Variants in ZMYM2 observed in about 807,000 individuals in gnomAD.
ZMYM2 encodes zinc finger MYM-type containing 2.
Under a neutral mutation model 162.8 loss-of-function variants are expected in ZMYM2, and 56 were observed. That is an observed-to-expected ratio of 0.34 (90% CI 0.28 to 0.43). The LOEUF is 0.43. Ranked by LOEUF, ZMYM2 falls within the 20% of genes least tolerant of loss-of-function variation. ZMYM2 has a pLI of 1.00. For synonymous variants in ZMYM2, 510 were observed against 541.6 expected, an observed-to-expected ratio of 0.94 and a Z score of 0.81; for missense variants, 1,275 against 1,621.8, an observed-to-expected ratio of 0.79 and a Z score of 3.67.
chr13:20,073,784 A>G (rs1290497065), intron 21 of ZMYM2, among the ~76,000 whole-genome samples: 2 of 152,170 alleles, frequency 1.3e-5, no homozygotes, highest in Non-Finnish European at 2.9e-5. Flanking sequence ...TTGAGAGCTA[A>G]GTGGATTGTG....
rs1482462163 is a variant in ZMYM2 at position 20,088,068 on chromosome 13, C to G, written c.*2054C>G. On this transcript the variant is annotated 3_prime_UTR_variant, in exon 25 of 25. Coordinates refer to ENST00000610343, the MANE Select transcript of ZMYM2 (RefSeq NM_197968.4). ...ATAGTACTACTATCAAGCACCTTGTCTTGCTATTTACAGTTTCTTCATTTG... is the reference window on the plus strand; with the variant it reads ...ATAGTACTACTATCAAGCACCTTGTGTTGCTATTTACAGTTTCTTCATTTG... The G allele has an allele frequency of 5.0e-6, 1 of 198,080 alleles. No individual in the cohort carries two copies. The highest frequency in any genetic ancestry group is 1.6e-3 in the Middle Eastern group (1 of 608). 12.3% of individuals were successfully genotyped at this position (198,080 alleles called of 1,614,324 possible).
At chr13:19,866,954 C>T in the ZMYM2 span, among the ~76,000 whole-genome samples, 3 of 152,158 alleles carry the variant, frequency 2.0e-5, no homozygotes, top group Non-Finnish European at 2.9e-5. Context: ...AACATCAGCA[C>T]TTTCTTACTA....
chr13:19,916,257 G>A, the ZMYM2 span, among the ~76,000 whole-genome samples: 1 of 152,280 alleles, frequency 6.6e-6, no homozygotes, highest in East Asian at 1.9e-4. Context: ...CTTTTACACT[G>A]TTGGTGGGAG....
chr13:20,052,435 G>A (rs1397034940), intron 14 of ZMYM2, 124 bp downstream of exon 14: 10 of 749,996 alleles, frequency 1.3e-5, no homozygotes, highest in Admixed American at 3.2e-5. Context: ...TTACTGAGAC[G>A]GTGGAGTATT....
chr13:20,072,565 A>C (rs1333778921), intron 21 of ZMYM2, among the ~76,000 whole-genome samples: 2 of 152,134 alleles, frequency 1.3e-5, no homozygotes, highest in Non-Finnish European at 2.9e-5. Context: ...AGAGTTGGGA[A>C]ATATTCCTTC....
chr13:19,945,043 C>T, the ZMYM2 span, among the ~76,000 whole-genome samples: 3 of 151,898 alleles, frequency 2.0e-5, no homozygotes, highest in Non-Finnish European at 1.5e-5. Context: ...AAAAACAAAA[C>T]CAAAACCCAA....
chr13:19,935,337 A>G, the ZMYM2 span, among the ~76,000 whole-genome samples: 2 of 151,482 alleles, frequency 1.3e-5, no homozygotes, highest in African/African-American at 4.9e-5. Context: ...GGGTCTCACC[A>G]TATTGGCCAG....
At chr13:19,876,674 CTAT>C in the ZMYM2 span, among the ~76,000 whole-genome samples, 1 of 152,108 alleles carries the variant, frequency 6.6e-6, no homozygotes, top group Non-Finnish European at 1.5e-5. Context: ...ACCCTATTAA[CTAT>C]TTTTAAGTGT....
At chr13:19,980,213 C>G (rs117188846) in intron 2 of ZMYM2, among the ~76,000 whole-genome samples, 2 of 151,762 alleles carry the variant, frequency 1.3e-5, no homozygotes, top group Non-Finnish European at 2.9e-5. Flanking sequence ...GAATTTCTTT[C>G]GGTGTGAGAC....
At chr13:19,992,797 A>G (rs1399470405) in intron 2 of ZMYM2, among the ~76,000 whole-genome samples, 2 of 151,934 alleles carry the variant, frequency 1.3e-5, no homozygotes, top group African/African-American at 4.8e-5. Flanking sequence ...AATATATTGC[A>G]TATGATTACC....
intron 9 of ZMYM2, among the ~76,000 whole-genome samples, chr13:20,030,602 G>A (rs1387833898): frequency 3.9e-5 from 6 of 152,108 alleles, no homozygotes; most frequent in Non-Finnish European, 8.8e-5. Context: ...GTTTTACCGT[G>A]TTAGCCAGGA....
At chr13:20,062,390 C>CA (rs1956298888) in intron 17 of ZMYM2, among the ~76,000 whole-genome samples, 1 of 152,152 alleles carries the variant, frequency 6.6e-6, no homozygotes. Context: ...GATTACAACA[C>CA]AAAAACACTT....
intron 19 of ZMYM2, 179 bp from the exon 20 acceptor site, chr13:20,066,672 A>C (rs1486257276): frequency 2.1e-6 from 1 of 469,310 alleles, no homozygotes; most frequent in African/African-American, 2.0e-5. Context: ...AAGAGGTAGA[A>C]GGAGGTTGGA....
intron 8 of ZMYM2, 64 bp downstream of exon 8, chr13:20,026,826 C>G (rs967390376): frequency 2.7e-6 from 4 of 1,479,178 alleles, no homozygotes; most frequent in African/African-American, 2.9e-5. Context: ...TGCATAAATA[C>G]TCATTTGATG....
chr13:20,082,684 A>C, intron 22 of ZMYM2, 97 bp from the exon 23 acceptor site: 4 of 1,065,442 alleles, frequency 3.8e-6, no homozygotes, highest in Non-Finnish European at 5.2e-6. Flanking sequence ...GAGAATTGGT[A>C]TAGATTTGTC....
rs1440804244 is a variant in ZMYM2, at chr13:20,087,101, A to G, written c.*1087A>G. 2 of 184,566 alleles carry G rather than the reference A, an allele frequency of 1.1e-5. No individual in the cohort carries two copies. The highest frequency in any genetic ancestry group is 1.7e-4 in the East Asian group (2 of 11,456). The allele number at this position is 184,566 out of a possible 1,614,324, so 11.4% of individuals were successfully genotyped here. ...AGTTACAGAAAGTCAAGCTATGTTA[A>G]ATAAGATAGGATCACATTTTATAAT... On this transcript the variant is annotated 3_prime_UTR_variant, in exon 25 of 25. Coordinates refer to ENST00000610343, the MANE Select transcript of ZMYM2 (RefSeq NM_197968.4).
chr13:19,954,730 T>G (rs1156637665), upstream of ZMYM2, among the ~76,000 whole-genome samples: 1 of 152,208 alleles, frequency 6.6e-6, no homozygotes, highest in Non-Finnish European at 1.5e-5. Context: ...TATATATCAA[T>G]AAGTAATATT....
chr13:20,008,992 C>G (rs991802803), intron 6 of ZMYM2, among the ~76,000 whole-genome samples: 8 of 151,854 alleles, frequency 5.3e-5, no homozygotes, highest in African/African-American at 1.9e-4. Flanking sequence ...AAAATCAGGT[C>G]TTCAAAAACC....
At chr13:20,046,423 G>A (rs1249418795) in intron 12 of ZMYM2, among the ~76,000 whole-genome samples, 2 of 151,642 alleles carry the variant, frequency 1.3e-5, no homozygotes, top group Admixed American at 6.6e-5. Flanking sequence ...GCATGGTGGT[G>A]CATGCCTGTA....
Sources: gnomAD v4.1 joint callset for allele counts (sites outside exome capture counted in the v4.1 genomes callset) on GRCh38, gnomAD v4.1.1 for gene constraint, MANE v1.5 for transcripts, NCBI Gene and HGNC (gene_info 2026-07-23, HGNC 2026-07-21) for gene names.